Variants in ARHGAP6 observed in about 807,000 individuals in gnomAD.
ARHGAP6 encodes rho GTPase-activating protein 6.
In ARHGAP6, 16 loss-of-function variants were observed where a neutral mutation model predicts 55.7. The observed-to-expected ratio is 0.29, with a 90% confidence interval of 0.19 to 0.44. The LOEUF is 0.44. Among genes scored for constraint, ARHGAP6 ranks in the 20% least tolerant of loss-of-function variants. The probability of loss-of-function intolerance (pLI) is 1.00; values close to 1 mark genes in which losing one functional copy is unlikely to be tolerated. For synonymous variants in ARHGAP6, 382 were observed against 360.9 expected, an observed-to-expected ratio of 1.06 and a Z score of -0.66; for missense variants, 698 against 808.9, an observed-to-expected ratio of 0.86 and a Z score of 1.66.
intron 1 of ARHGAP6, among the ~76,000 whole-genome samples, chrX:11,370,656 A>T (rs1364529785): frequency 8.9e-6 from 1 of 112,083 alleles, no homozygotes; most frequent in Non-Finnish European, 1.9e-5. Flanking sequence ...TTCAAAGCTC[A>T]CTATAGACTA....
chrX:11,372,522 C>A (rs1453532831), intron 1 of ARHGAP6, among the ~76,000 whole-genome samples: 1 of 110,294 alleles, frequency 9.1e-6, no homozygotes, highest in African/African-American at 3.3e-5. Flanking sequence ...CCTGTAATCC[C>A]AGCACTTTGG....
chrX:11,155,027 C>T (rs2045844144), intron 10 of ARHGAP6, among the ~76,000 whole-genome samples: 1 of 111,642 alleles, frequency 9.0e-6, no homozygotes, highest in East Asian at 2.8e-4. Flanking sequence ...AAGGATAATC[C>T]AATTAAAAGG....
At chrX:11,444,164 T>C (rs2050069631) in intron 1 of ARHGAP6, among the ~76,000 whole-genome samples, 1 of 112,044 alleles carries the variant, frequency 8.9e-6, no homozygotes, top group African/African-American at 3.2e-5. Context: ...ATATATACAG[T>C]CTGTGTCACA....
rs58199681 is a variant in ARHGAP6 at position 11,447,010 on chromosome X, G to A, written c.589-192303C>T. Among the ~76,000 whole-genome samples, 520 of 112,038 alleles carry A rather than the reference G, an allele frequency of 4.6e-3. 3 individuals are homozygous for A. The highest frequency in any genetic ancestry group is 0.016 in the African/African-American group (500 of 30,860). On this transcript the variant is annotated intron_variant, in intron 1 of 12. Coordinates refer to ENST00000337414, the MANE Select transcript of ARHGAP6 (RefSeq NM_013427.3). ...CCAGAAGACACTGAATTTCCATAAGGAAATAGTTTAGAATACCGTCATTGG... is the reference window on the plus strand; with the variant it reads ...CCAGAAGACACTGAATTTCCATAAGAAAATAGTTTAGAATACCGTCATTGG...
intron 1 of ARHGAP6, among the ~76,000 whole-genome samples, chrX:11,549,124 T>A (rs1467650102): frequency 8.9e-6 from 1 of 112,058 alleles, no homozygotes; most frequent in African/African-American, 3.2e-5. Context: ...CCAAATTACA[T>A]CAGAGTATTG....
chrX:11,375,226 A>C (rs1253118477), intron 1 of ARHGAP6, among the ~76,000 whole-genome samples: 2 of 112,212 alleles, frequency 1.8e-5, no homozygotes, highest in African/African-American at 6.5e-5. Flanking sequence ...AAGACTAAGA[A>C]CCTGAGTTTT....
At chrX:11,182,413 C>G (rs945008647) in intron 5 of ARHGAP6, among the ~76,000 whole-genome samples, 2 of 111,287 alleles carry the variant, frequency 1.8e-5, no homozygotes, top group Admixed American at 9.6e-5. Context: ...TGTCCATTAT[C>G]CAGAATTATT....
chrX:11,418,304 G>T (rs1044502912), intron 1 of ARHGAP6, among the ~76,000 whole-genome samples: 2 of 111,916 alleles, frequency 1.8e-5, no homozygotes, highest in Admixed American at 1.9e-4. Flanking sequence ...ATTTACTGGG[G>T]TACAGGGCGG....
intron 2 of ARHGAP6, among the ~76,000 whole-genome samples, chrX:11,212,665 G>A (rs943179887): frequency 1.8e-5 from 2 of 111,764 alleles, no homozygotes; most frequent in South Asian, 3.7e-4. Context: ...AACTAAATTC[G>A]TGACTCACCT....
intron 2 of ARHGAP6, among the ~76,000 whole-genome samples, chrX:11,230,121 C>A (rs1372663684): frequency 8.9e-6 from 1 of 112,070 alleles, no homozygotes; most frequent in South Asian, 3.7e-4. Context: ...ACATACTGGG[C>A]TATCTGACTA....
At chrX:11,554,025 G>A (rs1279085835) in intron 1 of ARHGAP6, among the ~76,000 whole-genome samples, 1 of 112,140 alleles carries the variant, frequency 8.9e-6, no homozygotes, top group African/African-American at 3.2e-5. Context: ...GTAATCAGCT[G>A]GAAGTTGCTT....
intron 1 of ARHGAP6, among the ~76,000 whole-genome samples, chrX:11,569,141 C>T (rs530262371): frequency 6.3e-5 from 7 of 111,411 alleles, no homozygotes; most frequent in Non-Finnish European, 9.4e-5. Flanking sequence ...TGCAGACAAT[C>T]GTGACTTCTA....
chrX:11,381,685 A>G (rs1260468125), intron 1 of ARHGAP6, among the ~76,000 whole-genome samples: 2 of 112,114 alleles, frequency 1.8e-5, no homozygotes, highest in South Asian at 3.8e-4. Context: ...AGAGTCACAC[A>G]TATTTGTCAG....
chrX:11,629,747 G>A (rs1384742041), intron 1 of ARHGAP6, among the ~76,000 whole-genome samples: 2 of 110,867 alleles, frequency 1.8e-5, no homozygotes, highest in African/African-American at 3.3e-5. Context: ...GCTGAGGCTC[G>A]CATTCACACA....
At chrX:11,477,536 C>A (rs1408696254) in intron 1 of ARHGAP6, among the ~76,000 whole-genome samples, 1 of 111,464 alleles carries the variant, frequency 9.0e-6, no homozygotes, top group Non-Finnish European at 1.9e-5. Flanking sequence ...ACATATGTCC[C>A]CAAAAGAATT....
chrX:11,156,580 G>T lies in ARHGAP6; in HGVS notation c.1856C>A (p.Thr619Asn). 8.3e-6 allele frequency: 10 copies of T among 1,211,450 alleles called. No individual in the cohort carries two copies. The highest frequency in any genetic ancestry group is 1.1e-5 in the Non-Finnish European group (10 of 895,262). Reference protein sequence around the residue: ...QNEVLISLLETDPDVVDYLLR... With the variant: ...QNEVLISLLENDPDVVDYLLR... ...TAAATAGTCCACGACATCAGGATCGGTCTCTAACAGGCTGATCAGCACTTC... is the reference window on the plus strand; with the variant it reads ...TAAATAGTCCACGACATCAGGATCGTTCTCTAACAGGCTGATCAGCACTTC... Residue 619 changes from threonine to asparagine, a missense_variant, in exon 10 of 13, where the codon ACC becomes AAC. This residue lies in a region of ARHGAP6 where 322 missense variants were observed against 451.1 expected (regional missense o/e 0.71). Coordinates refer to ENST00000337414, the MANE Select transcript of ARHGAP6 (RefSeq NM_013427.3).
At chrX:11,186,780 G>A (rs1281222764) in intron 4 of ARHGAP6, among the ~76,000 whole-genome samples, 1 of 111,662 alleles carries the variant, frequency 9.0e-6, no homozygotes, top group Non-Finnish European at 1.9e-5. Flanking sequence ...CAATCAATGA[G>A]GTAGTCAGAG....
At chrX:11,488,147 C>A (rs935853108) in intron 1 of ARHGAP6, among the ~76,000 whole-genome samples, 5 of 111,927 alleles carry the variant, frequency 4.5e-5, no homozygotes, top group Non-Finnish European at 9.4e-5. Context: ...AGAGATATGA[C>A]AACCAAGTAC....
intron 1 of ARHGAP6, among the ~76,000 whole-genome samples, chrX:11,354,317 CTCTCTCTCTCTATA>C (rs1275253240): frequency 5.4e-4 from 37 of 68,312 alleles, no homozygotes; most frequent in Non-Finnish European, 8.0e-4. Flanking sequence ...CTCTCTCTCT[CTCTCTCTCTCTATA>C]TATATATATA....
Sources: allele counts gnomAD v4.1 joint callset (sites outside exome capture counted in the v4.1 genomes callset), GRCh38; gene constraint gnomAD v4.1.1; regional missense constraint gnomAD v4.1.1; transcripts MANE v1.5; gene names NCBI Gene and HGNC (gene_info 2026-07-23, HGNC 2026-07-21).